The following VPS41 variants were observed in gnomAD, a reference collection of about 807,000 sequenced individuals.
VPS41 encodes VPS41 subunit of HOPS complex, also known as vacuolar protein sorting-associated protein 41 homolog.
Under a neutral mutation model 130.9 loss-of-function variants are expected in VPS41, and 85 were observed. That is an observed-to-expected ratio of 0.65 (90% CI 0.55 to 0.78). The LOEUF (loss-of-function observed/expected upper bound fraction) is 0.78, where lower values mean the gene tolerates loss of function less well. Among genes scored for constraint, VPS41 ranks in the 30% least tolerant of loss-of-function variants. The pLI is 0.00. For synonymous variants in VPS41, 335 were observed against 332.9 expected (o/e 1.01, Z -0.07); for missense variants, 874 against 1,018.7 (o/e 0.86, Z 1.93).
intron 2 of VPS41, among the ~76,000 whole-genome samples, chr7:38,893,108 T>C (rs1786902758): frequency 1.3e-5 from 2 of 152,176 alleles, no homozygotes; most frequent in African/African-American, 2.4e-5. Flanking sequence ...GGCTCCCCGA[T>C]GGCCACAGAA....
intron 2 of VPS41, among the ~76,000 whole-genome samples, chr7:38,879,085 C>T (rs981497009): frequency 1.3e-5 from 2 of 152,212 alleles, no homozygotes; most frequent in African/African-American, 4.8e-5. Flanking sequence ...CTACCCCCAA[C>T]TCAGCCCTGA....
At chr7:38,905,572 C>A (rs1487283391) in intron 1 of VPS41, among the ~76,000 whole-genome samples, 1 of 152,110 alleles carries the variant, frequency 6.6e-6, no homozygotes, top group African/African-American at 2.4e-5. Context: ...TAACTCAGTG[C>A]AGATGTCACT....
chr7:38,904,407 ATCTG>A (rs2116461036), intron 1 of VPS41, among the ~76,000 whole-genome samples: 1 of 151,106 alleles, frequency 6.6e-6, no homozygotes, highest in South Asian at 2.1e-4. Flanking sequence ...ACCCTCTAAA[ATCTG>A]TCTGATTCTA....
intron 3 of VPS41, among the ~76,000 whole-genome samples, chr7:38,865,772 C>A (rs1211186798): frequency 6.6e-6 from 1 of 151,996 alleles, no homozygotes; most frequent in Non-Finnish European, 1.5e-5. Flanking sequence ...CTAATTCATG[C>A]CCAGGGGAAG....
At chr7:38,847,088 T>C (rs2116247759) in intron 4 of VPS41, among the ~76,000 whole-genome samples, 1 of 152,152 alleles carries the variant, frequency 6.6e-6, no homozygotes, top group African/African-American at 2.4e-5. Context: ...TGTCAAATAA[T>C]CAAAAGGGCT....
rs11773094 is a variant in VPS41, at chr7:38,725,076, C to T, written c.*1170G>A. Reference sequence around the variant, plus strand: ...GCTCATGGGAATGGCTGGGTGACTTCGGTAGCTGGCATGCTGTCAGTACTC... The same window carrying T: ...GCTCATGGGAATGGCTGGGTGACTTTGGTAGCTGGCATGCTGTCAGTACTC... On this transcript the variant is annotated 3_prime_UTR_variant, in exon 29 of 29. Coordinates refer to ENST00000310301, the MANE Select transcript of VPS41 (RefSeq NM_014396.4). 43,831 of 152,156 alleles carry T rather than the reference C, an allele frequency of 0.29. 7,768 individuals carry two copies. Among genetic ancestry groups the T allele is most frequent in the Non-Finnish European group, 0.41 (27,694 of 67,990 alleles). 9.4% of individuals were successfully genotyped at this position (152,156 alleles called of 1,614,324 possible). A position where few individuals can be genotyped will look rare whatever the true frequency, so the allele number is the denominator to read the frequency against.
intron 4 of VPS41, among the ~76,000 whole-genome samples, chr7:38,844,229 A>G (rs1418880598): frequency 6.6e-6 from 1 of 152,248 alleles, no homozygotes; most frequent in Non-Finnish European, 1.5e-5. Context: ...GTGATTTCAA[A>G]CTAGCTGCAG....
At chr7:38,755,564 G>A (rs546178814) in intron 19 of VPS41, among the ~76,000 whole-genome samples, 4 of 152,262 alleles carry the variant, frequency 2.6e-5, no homozygotes, top group South Asian at 2.1e-4. Context: ...AGCCTCACAC[G>A]GAACACCTGG....
chr7:38,855,957 A>G (rs1163318314), intron 4 of VPS41, among the ~76,000 whole-genome samples: 1 of 152,146 alleles, frequency 6.6e-6, no homozygotes, highest in Non-Finnish European at 1.5e-5. Flanking sequence ...CTAGTTTTGG[A>G]GACTGGAGGT....
At chr7:38,733,039 G>C (rs149389224) in intron 25 of VPS41, among the ~76,000 whole-genome samples, 129 of 152,198 alleles carry the variant, frequency 8.5e-4, no homozygotes, top group African/African-American at 3.1e-3. Context: ...TGTTGCTCAG[G>C]CTTATCTCAA....
At chr7:38,804,866 A>T (rs562124148) in intron 7 of VPS41, among the ~76,000 whole-genome samples, 3 of 152,298 alleles carry the variant, frequency 2.0e-5, no homozygotes, top group African/African-American at 7.2e-5. Context: ...TTTACCACTT[A>T]AAAAAAATCT....
At chr7:38,785,528 C>T (rs1260904521) in intron 10 of VPS41, among the ~76,000 whole-genome samples, 1 of 152,206 alleles carries the variant, frequency 6.6e-6, no homozygotes, top group Non-Finnish European at 1.5e-5. Flanking sequence ...ATAGGATTAT[C>T]TCATCTACCA....
intron 24 of VPS41, among the ~76,000 whole-genome samples, chr7:38,742,447 G>A (rs967876034): frequency 5.3e-5 from 8 of 152,074 alleles, no homozygotes; most frequent in Non-Finnish European, 1.2e-4. Flanking sequence ...AACTGACTAT[G>A]GCTCAGGTAT....
At chr7:38,755,841 AATTTTTACAT>A (rs1310351717) in intron 19 of VPS41, among the ~76,000 whole-genome samples, 4 of 152,176 alleles carry the variant, frequency 2.6e-5, no homozygotes, top group Non-Finnish European at 5.9e-5. Context: ...AAATGTAATT[AATTTTTACAT>A]AAGCATCTCA....
At position 38,756,023 on chromosome 7, in the gene VPS41, A is replaced by C. The variant is rs192686811; in HGVS notation, c.1695+815T>G. 1.8e-3 allele frequency among the ~76,000 whole-genome samples: 267 copies of C among 152,332 alleles called. 2 individuals are homozygous for C. The highest frequency in any genetic ancestry group is 3.5e-3 in the South Asian group (17 of 4,822). ...CTAGCTCCTATCTAAATTAAGTTTA[A>C]GTTGGTGGAGATTAATATAGCACAC... On this transcript the variant is annotated intron_variant, in intron 19 of 28. Coordinates refer to ENST00000310301, the MANE Select transcript of VPS41 (RefSeq NM_014396.4).
chr7:38,734,378 G>A (rs546875781), intron 25 of VPS41, among the ~76,000 whole-genome samples: 10 of 152,016 alleles, frequency 6.6e-5, no homozygotes, highest in Admixed American at 1.3e-4. Context: ...TTTTATCAAC[G>A]TGACCTTTAC....
At chr7:38,820,052 T>C (rs533301161) in intron 6 of VPS41, among the ~76,000 whole-genome samples, 3 of 152,234 alleles carry the variant, frequency 2.0e-5, no homozygotes, top group African/African-American at 7.2e-5. Context: ...CTGCAACTGA[T>C]GGCATCCCAC....
chr7:38,895,800 A>G (rs1264468906), intron 2 of VPS41, among the ~76,000 whole-genome samples: 1 of 152,104 alleles, frequency 6.6e-6, no homozygotes, highest in Non-Finnish European at 1.5e-5. Flanking sequence ...AGCCCTATAC[A>G]CTTTCAAGCT....
intron 4 of VPS41, among the ~76,000 whole-genome samples, chr7:38,848,611 G>A (rs781013683): frequency 2.0e-5 from 3 of 152,024 alleles, no homozygotes; most frequent in South Asian, 2.1e-4. Flanking sequence ...ACATGTATTC[G>A]TTCATATAAT....
Sources: allele counts gnomAD v4.1 joint callset (sites outside exome capture counted in the v4.1 genomes callset), GRCh38; gene constraint gnomAD v4.1.1; transcripts MANE v1.5; gene names NCBI Gene and HGNC (gene_info 2026-07-23, HGNC 2026-07-21).